TBC1D2: variants seen among roughly 807,000 people sequenced by gnomAD.
TBC1D2 encodes TBC1 domain family member 2.
Under a neutral mutation model 91.1 loss-of-function variants are expected in TBC1D2, and 58 were observed. The ratio of observed to expected loss-of-function variants is 0.64; its 90% CI spans 0.52 to 0.79. TBC1D2 has a LOEUF of 0.79. Among genes scored for constraint, TBC1D2 ranks in the 30% least tolerant of loss-of-function variants. The pLI, the probability that TBC1D2 is intolerant of heterozygous loss-of-function variation, is 0.00. For missense variants in TBC1D2, 1,080 were observed against 1,208.3 expected, an observed-to-expected ratio of 0.89 and a Z score of 1.57; for synonymous variants, 482 against 511.5, an observed-to-expected ratio of 0.94 and a Z score of 0.78.
At chr9:98,217,800 A>G (rs1307483023) in intron 6 of TBC1D2, among the ~76,000 whole-genome samples, 2 of 151,974 alleles carry the variant, frequency 1.3e-5, no homozygotes, top group Non-Finnish European at 1.5e-5. Flanking sequence ...ACAGCCTCGA[A>G]CTCCTGGGCG....
intron 6 of TBC1D2, among the ~76,000 whole-genome samples, chr9:98,216,066 C>T (rs552675939): frequency 2.6e-5 from 4 of 152,322 alleles, no homozygotes; most frequent in South Asian, 2.1e-4. Flanking sequence ...GCTGCGGGCA[C>T]GCTGTCTGGG....
intron 3 of TBC1D2, among the ~76,000 whole-genome samples, chr9:98,239,128 A>G (rs759698425): frequency 7.2e-5 from 11 of 152,084 alleles, no homozygotes; most frequent in Non-Finnish European, 1.6e-4. Flanking sequence ...GCATGCTCAT[A>G]GCTTACTGCA....
Position 98,199,371 on chromosome 9 carries a change from G to A in TBC1D2, c.*10C>T. The A allele has an allele frequency of 2.5e-6, 4 of 1,612,372 alleles. No homozygotes were observed. The highest frequency in any genetic ancestry group is 2.7e-5 in the African/African-American group (2 of 74,998). On this transcript the variant is annotated 3_prime_UTR_variant, in exon 13 of 13. Coordinates refer to ENST00000465784, the MANE Select transcript of TBC1D2 (RefSeq NM_001267571.2). ...GGTGAGGAAGGCTGTGGGGAGGGGA[G>A]GTGGCCAAGTCAGGCTTCCCCCTCC...
intron 9 of TBC1D2, among the ~76,000 whole-genome samples, chr9:98,208,232 C>A (rs913943292): frequency 1.3e-5 from 2 of 152,066 alleles, no homozygotes; most frequent in Non-Finnish European, 2.9e-5. Flanking sequence ...GGTGGGGAAC[C>A]TAGGCTCATG....
intron 1 of TBC1D2, among the ~76,000 whole-genome samples, chr9:98,253,604 T>C (rs187962340): frequency 2.0e-5 from 3 of 152,330 alleles, no homozygotes; most frequent in African/African-American, 7.2e-5. Flanking sequence ...CAGGGCTGTA[T>C]CATGGTTTCC....
chr9:98,211,502 T>G (rs1184801695), intron 7 of TBC1D2, among the ~76,000 whole-genome samples: 1 of 152,178 alleles, frequency 6.6e-6, no homozygotes, highest in Admixed American at 6.5e-5. Context: ...ACAAGCTGGG[T>G]GGTGCTAGGC....
In TBC1D2 at chr9:98,209,005, G is replaced by A. The variant is rs370242230; in HGVS notation, c.1813C>T (p.Arg605Cys). The A allele has an allele frequency of 1.5e-5, 24 of 1,613,956 alleles. No homozygotes were observed. The highest frequency in any genetic ancestry group is 1.5e-4 in the African/African-American group (11 of 74,898). ...ACAAGATCGCCCAGGGCAGCCCAGC[G>A]CTCCCTCAGCGGCCGATCCACAGCC... is the stretch of plus-strand genomic sequence containing the variant. The part of the protein sequence containing the change: ...LEAVDRPLRE[R>C]WAALGDLVPS... The change falls in exon 9 of 13, where the codon CGC (arginine) becomes TGC (cysteine). Residue 605 changes from arginine to cysteine, a missense_variant. By Grantham distance (180) the Arg-to-Cys change is radical. Transcript: ENST00000465784.
chr9:98,246,554 G>A (rs1829768079), intron 2 of TBC1D2, among the ~76,000 whole-genome samples: 1 of 152,146 alleles, frequency 6.6e-6, no homozygotes, highest in Admixed American at 6.5e-5. Flanking sequence ...TGGAGAAAGT[G>A]AGAAGAATAA....
chr9:98,212,987 G>A (rs563518042), intron 7 of TBC1D2, 121 bp downstream of exon 7: 5 of 1,068,254 alleles, frequency 4.7e-6, no homozygotes, highest in African/African-American at 1.6e-5. Context: ...CTGCTCACAA[G>A]GGGTCAGTTC....
intron 2 of TBC1D2, among the ~76,000 whole-genome samples, chr9:98,247,851 T>A (rs1169806756): frequency 2.6e-5 from 4 of 152,178 alleles, no homozygotes; most frequent in African/African-American, 9.7e-5. Context: ...TTTATCAATA[T>A]TTTAACCATC....
rs570543285 is a variant in TBC1D2 at position 98,214,671 on chromosome 9, G to C, written c.1375-1453C>G. Among the ~76,000 whole-genome samples the C allele has an allele frequency of 2.6e-5, 4 of 152,360 alleles. No homozygotes were observed. In the South Asian group the frequency reaches 8.3e-4, roughly 32 times the overall value. ...GTAGTTTGGGGCACATCCTCGTCAGGGTCACATGTGCACAGCCCACAGGTG... is the reference window on the plus strand; with the variant it reads ...GTAGTTTGGGGCACATCCTCGTCAGCGTCACATGTGCACAGCCCACAGGTG... On this transcript the variant is annotated intron_variant, in intron 6 of 12. Coordinates refer to ENST00000465784, the MANE Select transcript of TBC1D2 (RefSeq NM_001267571.2).
At chr9:98,232,976 C>T (rs1047074161) in intron 4 of TBC1D2, among the ~76,000 whole-genome samples, 2 of 152,216 alleles carry the variant, frequency 1.3e-5, no homozygotes, top group Non-Finnish European at 2.9e-5. Flanking sequence ...GGCCACCATG[C>T]CCAGCTAACT....
intron 6 of TBC1D2, among the ~76,000 whole-genome samples, chr9:98,216,501 G>A (rs1458402021): frequency 2.6e-5 from 4 of 152,158 alleles, no homozygotes; most frequent in Non-Finnish European, 5.9e-5. Context: ...CACAGAGAAA[G>A]TAAGTTCCCC....
At chr9:98,206,329 T>G (rs933638402) in intron 9 of TBC1D2, among the ~76,000 whole-genome samples, 14 of 152,190 alleles carry the variant, frequency 9.2e-5, no homozygotes, top group Non-Finnish European at 1.9e-4. Context: ...GCATATCAAA[T>G]TTAAGTAAAA....
intron 5 of TBC1D2, among the ~76,000 whole-genome samples, chr9:98,224,052 T>C (rs556575320): frequency 2.2e-4 from 34 of 151,638 alleles, no homozygotes; most frequent in African/African-American, 6.5e-4. Flanking sequence ...ACAAAAAAAT[T>C]AGCCAGGCGT....
intron 3 of TBC1D2, among the ~76,000 whole-genome samples, chr9:98,237,494 G>A (rs973603281): frequency 2.6e-4 from 39 of 151,744 alleles, no homozygotes; most frequent in African/African-American, 7.7e-4. Context: ...GGAAGAGTGC[G>A]TCTTCAAACT....
In TBC1D2 at chr9:98,210,668, A is replaced by G. The variant is rs750350144; in HGVS notation, c.1661T>C (p.Leu554Pro). 16 of 1,595,208 alleles carry G rather than the reference A, an allele frequency of 1.0e-5. No homozygotes were observed. The highest frequency in any genetic ancestry group is 1.4e-5 in the Non-Finnish European group (16 of 1,169,242). Reference protein sequence around the residue: ...AGEASSDSIELSPISKYDEYG... With the variant: ...AGEASSDSIEPSPISKYDEYG... ...CCGCCAGGCTCACCTGATGGGGCTCAGCTCGATGCTGTCAGATGAGGCCTC... is the reference window on the plus strand; with the variant it reads ...CCGCCAGGCTCACCTGATGGGGCTCGGCTCGATGCTGTCAGATGAGGCCTC... The change falls in exon 8 of 13, where the codon CTG becomes CCG. Residue 554 changes from leucine (L) to proline (P), a missense_variant. Physicochemically the swap from Leu to Pro is moderately conservative, Grantham distance 98. Coordinates refer to ENST00000465784, the MANE Select transcript of TBC1D2 (RefSeq NM_001267571.2).
chr9:98,201,659 G>A lies in TBC1D2; in HGVS notation c.2277C>T (p.Asp759=). Residue 759 remains aspartate (D), a synonymous_variant, in exon 11 of 13, where the codon GAC becomes GAT. Coordinates refer to ENST00000465784, the MANE Select transcript of TBC1D2 (RefSeq NM_001267571.2). The stretch of plus-strand genomic sequence containing the variant: ...AGAGCAGGTCCTGGAGCACCCGCTG[G>A]TCCACCTGGAAGCCAGCGAGAGGGC... ...YCNTLTASQV[D]QRVLQDLLSE... 1 of 1,610,936 alleles carries A rather than the reference G, an allele frequency of 6.2e-7. No individual in the cohort carries two copies. Among genetic ancestry groups the A allele is most frequent in the Non-Finnish European group, 8.5e-7 (1 of 1,178,384 alleles).
intron 2 of TBC1D2, among the ~76,000 whole-genome samples, chr9:98,250,199 G>A (rs1046600676): frequency 2.6e-5 from 4 of 152,182 alleles, no homozygotes; most frequent in Non-Finnish European, 5.9e-5. Context: ...AGGCAAAGGA[G>A]AGAGAGCAGA....
Sources: allele counts gnomAD v4.1 joint callset (sites outside exome capture counted in the v4.1 genomes callset), GRCh38; gene constraint gnomAD v4.1.1; transcripts MANE v1.5; gene names NCBI Gene and HGNC (gene_info 2026-07-23, HGNC 2026-07-21).